The following CPQ variants were observed in gnomAD, a reference collection of about 807,000 sequenced individuals.
CPQ encodes the protein Ser-Met dipeptidase.
CPQ carries 37 observed loss-of-function variants against 45.7 expected under a neutral mutation model. That is an observed-to-expected ratio of 0.81 (90% CI 0.62 to 1.07). CPQ has a LOEUF of 1.07. Ranked by LOEUF, CPQ falls within the 50% of genes least tolerant of loss-of-function variation. The probability of loss-of-function intolerance (pLI) is 0.00; values close to 1 mark genes in which losing one functional copy is unlikely to be tolerated. For synonymous variants in CPQ, 186 were observed against 205.8 expected (o/e 0.90, Z 0.82); for missense variants, 537 against 572.9 (o/e 0.94, Z 0.64).
intron 6 of CPQ, chr8:97,055,646 G>C (rs1481674180): frequency 3.3e-5 from 5 of 152,214 alleles, no homozygotes; most frequent in Admixed American, 6.5e-5. Context: ...TTGTCGGAGA[G>C]TAAGTCTATG....
chr8:96,853,345 G>A (rs554675392), intron 3 of CPQ, among the ~76,000 whole-genome samples: 40 of 152,328 alleles, frequency 2.6e-4, no homozygotes, highest in African/African-American at 9.1e-4. Flanking sequence ...TCTGAGAACA[G>A]GAAGAGAAAG....
intron 2 of CPQ, among the ~76,000 whole-genome samples, chr8:96,788,464 C>G (rs1810804709): frequency 6.6e-6 from 1 of 151,996 alleles, no homozygotes; most frequent in African/African-American, 2.4e-5. Flanking sequence ...CCGGCCTGGA[C>G]TCCATTGTTT....
At chr8:96,970,788 C>T (rs1296359532) in intron 5 of CPQ, among the ~76,000 whole-genome samples, 2 of 152,130 alleles carry the variant, frequency 1.3e-5, no homozygotes, top group Non-Finnish European at 2.9e-5. Context: ...TGGTCTCTAT[C>T]TCCTGACCTC....
chr8:96,862,946 G>A (rs1048640796), intron 3 of CPQ, among the ~76,000 whole-genome samples: 2 of 152,028 alleles, frequency 1.3e-5, no homozygotes, highest in African/African-American at 4.8e-5. Flanking sequence ...CAATATTGGA[G>A]GGATGAACTG....
In CPQ at chr8:96,951,363, G is replaced by A. The variant is rs570423175; in HGVS notation, c.850-14572G>A. ...TGTGTTCAAGGCCCTTTTAGGGAGAGAGCCAGTCTATGGCCAGTCTTGCCA... is the reference window on the plus strand; with the variant it reads ...TGTGTTCAAGGCCCTTTTAGGGAGAAAGCCAGTCTATGGCCAGTCTTGCCA... On this transcript the variant is annotated intron_variant, in intron 4 of 7. Coordinates refer to ENST00000220763, the MANE Select transcript of CPQ (RefSeq NM_016134.4). 2.0e-5 allele frequency among the ~76,000 whole-genome samples: 3 copies of A among 152,206 alleles called. No homozygotes were observed. The South Asian group carries it at 6.2e-4, about 32-fold the overall frequency.
At chr8:96,908,745 G>GCACACACA (rs1554577087) in intron 4 of CPQ, among the ~76,000 whole-genome samples, 6 of 16,906 alleles carry the variant, frequency 3.5e-4, no homozygotes, top group Admixed American at 2.3e-3. Flanking sequence ...TTATACACAT[G>GCACACACA]CGCACACACA....
At chr8:97,000,276 A>C (rs577081447) in intron 5 of CPQ, among the ~76,000 whole-genome samples, 1 of 152,034 alleles carries the variant, frequency 6.6e-6, no homozygotes, top group South Asian at 2.1e-4. Context: ...CTTCTGTGGC[A>C]GTTGCTTTTC....
chr8:96,749,619 G>C (rs1306149634), intron 1 of CPQ, among the ~76,000 whole-genome samples: 1 of 152,078 alleles, frequency 6.6e-6, no homozygotes, highest in African/African-American at 2.4e-5. Flanking sequence ...GACTCTGGAT[G>C]GGAAAAAGGC....
At position 96,651,924 on chromosome 8, in the gene CPQ, G is replaced by A. The variant is rs377694405; in HGVS notation, c.-35+6522G>A. 2.0e-5 allele frequency among the ~76,000 whole-genome samples: 3 copies of A among 152,212 alleles called. No individual in the cohort carries two copies. In the East Asian group the frequency reaches 5.8e-4, roughly 29 times the overall value. ...TACAACCTTCCATACAATGTGGAATGATTAAATCAAGCTAATAAACATACC... is the reference window on the plus strand; with the variant it reads ...TACAACCTTCCATACAATGTGGAATAATTAAATCAAGCTAATAAACATACC... On this transcript the variant is annotated intron_variant, in intron 1 of 7. Transcript: ENST00000220763.
intron 4 of CPQ, among the ~76,000 whole-genome samples, chr8:96,937,717 A>G (rs1269233672): frequency 6.6e-6 from 1 of 152,156 alleles, no homozygotes; most frequent in Non-Finnish European, 1.5e-5. Context: ...GTCAATTGCC[A>G]TGTTTTTTAG....
At chr8:96,984,522 A>G (rs982234920) in intron 5 of CPQ, among the ~76,000 whole-genome samples, 4 of 152,170 alleles carry the variant, frequency 2.6e-5, no homozygotes, top group African/African-American at 9.7e-5. Flanking sequence ...GAATTGTTCA[A>G]TGTGCCATTT....
chr8:96,707,947 C>A (rs1809555244), intron 1 of CPQ, among the ~76,000 whole-genome samples: 6 of 152,134 alleles, frequency 3.9e-5, no homozygotes, highest in Admixed American at 3.9e-4. Context: ...GTCACTCTGA[C>A]ACTCAAGTTA....
At chr8:97,008,389 T>C (rs1471550295) in intron 5 of CPQ, among the ~76,000 whole-genome samples, 1 of 152,254 alleles carries the variant, frequency 6.6e-6, no homozygotes, top group Admixed American at 6.5e-5. Flanking sequence ...TGAACAAATG[T>C]ACCTTTGACT....
At chr8:96,862,572 A>T (rs1220096738) in intron 3 of CPQ, among the ~76,000 whole-genome samples, 1 of 152,018 alleles carries the variant, frequency 6.6e-6, no homozygotes, top group Non-Finnish European at 1.5e-5. Flanking sequence ...TGACCAGGGA[A>T]TGATGTGATT....
chr8:96,835,549 T>A (rs1748516669), intron 3 of CPQ, among the ~76,000 whole-genome samples: 1 of 152,206 alleles, frequency 6.6e-6, no homozygotes, highest in South Asian at 2.1e-4. Flanking sequence ...CTGTTTTCCA[T>A]GTTGCTAGAG....
At chr8:96,800,471 T>C (rs1810991555) in intron 2 of CPQ, among the ~76,000 whole-genome samples, 1 of 152,184 alleles carries the variant, frequency 6.6e-6, no homozygotes, top group Admixed American at 6.6e-5. Context: ...AGTAATTCAC[T>C]TTTCTGGTAT....
At chr8:97,114,498 G>A (rs1310138229) in intron 7 of CPQ, among the ~76,000 whole-genome samples, 1 of 152,212 alleles carries the variant, frequency 6.6e-6, no homozygotes, top group African/African-American at 2.4e-5. Context: ...TAGGTGTTCA[G>A]TATTTTTTTA....
At chr8:96,648,710 T>C (rs1028901308) in intron 1 of CPQ, among the ~76,000 whole-genome samples, 1 of 152,010 alleles carries the variant, frequency 6.6e-6, no homozygotes, top group Non-Finnish European at 1.5e-5. Flanking sequence ...AGAGGTATGA[T>C]TGGAACTCAG....
At position 96,816,060 on chromosome 8, in the gene CPQ, G is replaced by T. The variant is rs984831223; in HGVS notation, c.434-18913G>T. 4.6e-5 allele frequency among the ~76,000 whole-genome samples: 7 copies of T among 152,152 alleles called. No homozygotes were observed. The East Asian group carries it at 1.2e-3, about 25-fold the overall frequency. ...TTTCTTAAAATAAGACAACAATGAAGTTTGCTGCAATGAATGATATTTCTT... is the reference window on the plus strand; with the variant it reads ...TTTCTTAAAATAAGACAACAATGAATTTTGCTGCAATGAATGATATTTCTT... On this transcript the variant is annotated intron_variant, in intron 2 of 7. Coordinates refer to ENST00000220763, the MANE Select transcript of CPQ (RefSeq NM_016134.4).
Sources: allele counts gnomAD v4.1 joint callset (sites outside exome capture counted in the v4.1 genomes callset), GRCh38; gene constraint gnomAD v4.1.1; transcripts MANE v1.5; gene names NCBI Gene and HGNC (gene_info 2026-07-23, HGNC 2026-07-21).